The following PTPN14 variants were observed in gnomAD, a reference collection of about 807,000 sequenced individuals.
PTPN14 encodes the protein protein tyrosine phosphatase non-receptor type 14, also known as tyrosine-protein phosphatase non-receptor type 14.
Under a neutral mutation model 126.8 loss-of-function variants are expected in PTPN14, and 53 were observed. That is an observed-to-expected ratio of 0.42 (90% CI 0.34 to 0.53). The LOEUF is 0.53. Ranked by LOEUF, PTPN14 falls within the 20% of genes least tolerant of loss-of-function variation. The probability of loss-of-function intolerance (pLI) is 0.08; values close to 1 mark genes in which losing one functional copy is unlikely to be tolerated. For missense variants in PTPN14, 1,257 were observed against 1,552.9 expected (o/e 0.81, Z 3.20); for synonymous variants, 630 against 599.3 (o/e 1.05, Z -0.75).
chr1:214,391,288 T>C (rs1041290521), intron 10 of PTPN14, among the ~76,000 whole-genome samples: 1 of 152,102 alleles, frequency 6.6e-6, no homozygotes, highest in Non-Finnish European at 1.5e-5. Context: ...ATTAAACCAA[T>C]GGAGGCTTAT....
chr1:214,502,946 A>T (rs567113284), intron 1 of PTPN14, among the ~76,000 whole-genome samples: 1 of 152,318 alleles, frequency 6.6e-6, no homozygotes, highest in African/African-American at 2.4e-5. Flanking sequence ...TGTCATTTTA[A>T]AAACCTATTA....
chr1:214,440,980 G>A (rs925030042), intron 3 of PTPN14, among the ~76,000 whole-genome samples: 3 of 152,168 alleles, frequency 2.0e-5, no homozygotes, highest in Admixed American at 6.5e-5. Flanking sequence ...CTTACTGGTA[G>A]GTCAGCCCTC....
chr1:214,474,238 C>T (rs1352452427), intron 1 of PTPN14, among the ~76,000 whole-genome samples: 1 of 152,202 alleles, frequency 6.6e-6, no homozygotes, highest in Non-Finnish European at 1.5e-5. Context: ...ATGTAGAACA[C>T]AGCCAAAAAC....
chr1:214,478,892 A>G (rs1265986605), intron 1 of PTPN14, among the ~76,000 whole-genome samples: 1 of 152,192 alleles, frequency 6.6e-6, no homozygotes, highest in Non-Finnish European at 1.5e-5. Context: ...AAAATAAGTA[A>G]CAATAGTCAA....
intron 12 of PTPN14, among the ~76,000 whole-genome samples, chr1:214,385,399 ATCTGG>A (rs1343508077): frequency 1.3e-5 from 2 of 152,092 alleles, no homozygotes; most frequent in Non-Finnish European, 2.9e-5. Flanking sequence ...TCCCCTCTAG[ATCTGG>A]TTTCATCACT....
At chr1:214,387,367 C>A (rs1269842702) in intron 11 of PTPN14, among the ~76,000 whole-genome samples, 1 of 152,146 alleles carries the variant, frequency 6.6e-6, no homozygotes, top group African/African-American at 2.4e-5. Context: ...CAAAAATTAG[C>A]CAGGCATGGT....
intron 2 of PTPN14, among the ~76,000 whole-genome samples, chr1:214,463,015 G>A (rs891105517): frequency 5.2e-4 from 79 of 152,026 alleles, no homozygotes; most frequent in African/African-American, 1.8e-3. Context: ...GGAAACTTAC[G>A]CCTCAAAAGA....
intron 12 of PTPN14, among the ~76,000 whole-genome samples, chr1:214,386,491 A>G (rs981697575): frequency 1.3e-5 from 2 of 152,210 alleles, no homozygotes; most frequent in African/African-American, 2.4e-5. Context: ...TCACCATGAA[A>G]AGCTGAGTGA....
At chr1:214,405,436 T>C (rs1659142606) in intron 5 of PTPN14, among the ~76,000 whole-genome samples, 2 of 152,152 alleles carry the variant, frequency 1.3e-5, no homozygotes, top group African/African-American at 4.8e-5. Flanking sequence ...TTTTGTGCAA[T>C]GACAGCTTAT....
rs530870187 is a variant in PTPN14, at chr1:214,489,333, C to T, written c.-154-24376G>A. Among the ~76,000 whole-genome samples the T allele has an allele frequency of 1.7e-3, 264 of 152,248 alleles. 1 individual carries two copies. The highest frequency in any genetic ancestry group is 6.1e-3 in the African/African-American group (253 of 41,556). ...GAAGTGGCAGAGCCAAACCCAAAACCGTATCCATCTGTACCATGCCCTCTC... is the reference window on the plus strand; with the variant it reads ...GAAGTGGCAGAGCCAAACCCAAAACTGTATCCATCTGTACCATGCCCTCTC... On this transcript the variant is annotated intron_variant, in intron 1 of 18. Coordinates refer to ENST00000366956, the MANE Select transcript of PTPN14 (RefSeq NM_005401.5).
chr1:214,380,580 C>G (rs1280546613), intron 13 of PTPN14, among the ~76,000 whole-genome samples: 1 of 152,202 alleles, frequency 6.6e-6, no homozygotes, highest in African/African-American at 2.4e-5. Context: ...ATCAAACAGA[C>G]AAGCAGCTCC....
At chr1:214,370,001 C>A (rs147629984) in intron 16 of PTPN14, among the ~76,000 whole-genome samples, 31 of 152,350 alleles carry the variant, frequency 2.0e-4, no homozygotes, top group Non-Finnish European at 3.7e-4. Context: ...CAAAGGTCAG[C>A]CGGGCGTGGC....
intron 15 of PTPN14, among the ~76,000 whole-genome samples, chr1:214,374,014 T>C (rs1196933176): frequency 6.6e-6 from 1 of 152,126 alleles, no homozygotes; most frequent in East Asian, 1.9e-4. Flanking sequence ...GAACCATAAA[T>C]AAGAAGTTGT....
intron 3 of PTPN14, among the ~76,000 whole-genome samples, chr1:214,417,637 T>C (rs1244891400): frequency 6.6e-6 from 1 of 152,180 alleles, no homozygotes; most frequent in East Asian, 1.9e-4. Flanking sequence ...TTTAAATTCA[T>C]GTATGAGGAA....
rs748062297 is a variant in PTPN14 at position 214,391,029 on chromosome 1, G to T, written c.946C>A (p.Pro316Thr). Residue 316 changes from proline (P) to threonine (T), a missense_variant, in exon 11 of 19, where the codon CCC becomes ACC. Physicochemically the swap from Pro to Thr is conservative, Grantham distance 38. Around this residue, in one of 3 missense-constraint regions of PTPN14, gnomAD observed 1,021 missense variants for 1,183.3 expected, o/e 0.86. Coordinates refer to ENST00000366956, the MANE Select transcript of PTPN14 (RefSeq NM_005401.5). ...CAGGTGGGCTGGCGTCTGATGGGGG[G>T]TGGAGAATTTGACTGTCTACATGAA... is the stretch of plus-strand genomic sequence containing the variant. ...KICTEQSNSPPPIRRQPTWSR... is the reference protein window; with the variant it reads ...KICTEQSNSPTPIRRQPTWSR... 1 of 1,586,534 alleles carries T rather than the reference G, an allele frequency of 6.3e-7. No individual in the cohort carries two copies. The highest frequency in any genetic ancestry group is 1.7e-5 in the Admixed American group (1 of 59,306).
At chr1:214,423,957 G>A (rs976458736) in intron 3 of PTPN14, among the ~76,000 whole-genome samples, 1 of 151,778 alleles carries the variant, frequency 6.6e-6, no homozygotes, top group Non-Finnish European at 1.5e-5. Context: ...CTCCAGCCTG[G>A]GTGACAGAGT....
At chr1:214,533,551 G>A in intron 1 of PTPN14, 2 of 303,738 alleles carry the variant, frequency 6.6e-6, no homozygotes, top group South Asian at 3.2e-5. Context: ...AAAAAAAAAG[G>A]CTGGGTGCGG....
chr1:214,460,961 T>C (rs1660497122), intron 2 of PTPN14, among the ~76,000 whole-genome samples: 1 of 151,982 alleles, frequency 6.6e-6, no homozygotes, highest in African/African-American at 2.4e-5. Context: ...CTCTGCATGA[T>C]AATGATGTGT....
Position 214,384,884 on chromosome 1 carries a change from A to G in PTPN14, c.1067-96T>C. Reference sequence around the variant, plus strand: ...CATGAGGTGACTTTTAATTTAAACAAATCATAAAAAGTGAAATCCCATGGT... The same window carrying G: ...CATGAGGTGACTTTTAATTTAAACAGATCATAAAAAGTGAAATCCCATGGT... On this transcript the variant is annotated intron_variant, in intron 12 of 18. Coordinates refer to ENST00000366956, the MANE Select transcript of PTPN14 (RefSeq NM_005401.5). The surrounding 1 kb of genome is among the most constrained non-coding windows in gnomAD (Gnocchi z 5.3). The G allele has an allele frequency of 7.0e-7, 1 of 1,431,386 alleles. No individual in the cohort carries two copies. Among genetic ancestry groups the G allele is most frequent in the Non-Finnish European group, 9.4e-7 (1 of 1,063,378 alleles). 88.7% of individuals were successfully genotyped at this position (1,431,386 alleles called of 1,614,324 possible). A position where few individuals can be genotyped will look rare whatever the true frequency, so the allele number is the denominator to read the frequency against.
Sources: allele counts gnomAD v4.1 joint callset (sites outside exome capture counted in the v4.1 genomes callset), GRCh38; gene constraint gnomAD v4.1.1; regional missense constraint gnomAD v4.1.1; non-coding constraint Gnocchi (gnomAD v3.1); transcripts MANE v1.5; gene names NCBI Gene and HGNC (gene_info 2026-07-23, HGNC 2026-07-21).